Variants in SNTB1 observed in about 807,000 individuals in gnomAD.
SNTB1 encodes syntrophin beta 1.
SNTB1 carries 36 observed loss-of-function variants against 48.9 expected under a neutral mutation model. That is an observed-to-expected ratio of 0.74 (90% CI 0.56 to 0.97). SNTB1 has a LOEUF of 0.97. SNTB1 is among the 50% of genes least tolerant of loss of function. The pLI is 0.00. For missense variants in SNTB1, 786 were observed against 703.4 expected (o/e 1.12, Z -1.33); for synonymous variants, 299 against 294.6 (o/e 1.01, Z -0.15).
intron 2 of SNTB1, among the ~76,000 whole-genome samples, chr8:120,634,537 A>T (rs1817041287): frequency 6.6e-6 from 1 of 152,184 alleles, no homozygotes; most frequent in Non-Finnish European, 1.5e-5. Context: ...TAAATACTAT[A>T]CCACGATGCC....
chr8:120,701,727 T>G (rs1348540071), intron 1 of SNTB1, among the ~76,000 whole-genome samples: 1 of 152,224 alleles, frequency 6.6e-6, no homozygotes, highest in Non-Finnish European at 1.5e-5. Context: ...TTACTTCCAT[T>G]CTGCCAGCTG....
At chr8:120,731,143 T>G (rs1244514019) in intron 1 of SNTB1, among the ~76,000 whole-genome samples, 1 of 151,840 alleles carries the variant, frequency 6.6e-6, no homozygotes, top group East Asian at 1.9e-4. Flanking sequence ...TAATAAAAAA[T>G]TAAACAAATA....
intron 3 of SNTB1, among the ~76,000 whole-genome samples, chr8:120,625,728 C>T (rs529628742): frequency 2.6e-5 from 4 of 152,336 alleles, no homozygotes; most frequent in South Asian, 4.1e-4. Flanking sequence ...TAAAGCAACA[C>T]AATAGGACTA....
At chr8:120,580,209 A>G (rs1360251521) in intron 3 of SNTB1, among the ~76,000 whole-genome samples, 1 of 152,300 alleles carries the variant, frequency 6.6e-6, no homozygotes, top group Non-Finnish European at 1.5e-5. Context: ...CTCGCTTCAT[A>G]CCAACTCACT....
chr8:120,738,777 G>A (rs1563585720), intron 1 of SNTB1, among the ~76,000 whole-genome samples: 2 of 152,146 alleles, frequency 1.3e-5, no homozygotes, highest in Non-Finnish European at 2.9e-5. Flanking sequence ...GCCTCAGATT[G>A]CATGTATCAC....
intron 3 of SNTB1, among the ~76,000 whole-genome samples, chr8:120,611,619 G>A (rs959652869): frequency 3.9e-5 from 6 of 152,002 alleles, no homozygotes; most frequent in Admixed American, 3.3e-4. Flanking sequence ...TCAGGAGATC[G>A]AGACCATCCT....
At chr8:120,576,009 T>A (rs547872536) in intron 3 of SNTB1, among the ~76,000 whole-genome samples, 2 of 152,332 alleles carry the variant, frequency 1.3e-5, no homozygotes, top group South Asian at 4.1e-4. Flanking sequence ...CTCCTTCCCA[T>A]TTGATGGGCC....
At chr8:120,631,839 T>C (rs151269710) in intron 3 of SNTB1, among the ~76,000 whole-genome samples, 79 of 152,306 alleles carry the variant, frequency 5.2e-4, no homozygotes, top group Non-Finnish European at 9.4e-4. Flanking sequence ...GTCTTTATTA[T>C]CTTTTCACTC....
rs577372942 is a variant in SNTB1, at chr8:120,583,749, T to C, written c.997-8524A>G. On this transcript the variant is annotated intron_variant, in intron 3 of 6. Transcript: ENST00000517992. Reference sequence around the variant, plus strand: ...GATACTTCCAACCCATTCTATAGACTAGACTTACGCTGATCCAAAATAAGA... The same window carrying C: ...GATACTTCCAACCCATTCTATAGACCAGACTTACGCTGATCCAAAATAAGA... Among the ~76,000 whole-genome samples, 5 of 152,246 alleles carry C rather than the reference T, an allele frequency of 3.3e-5. No homozygotes were observed. In the East Asian group the frequency reaches 9.7e-4, roughly 29 times the overall value.
intron 3 of SNTB1, among the ~76,000 whole-genome samples, chr8:120,620,338 C>CT (rs1043923390): frequency 1.3e-5 from 2 of 151,952 alleles, no homozygotes; most frequent in Admixed American, 6.6e-5. Context: ...GTATTAATAT[C>CT]TTTTTTTTAT....
At chr8:120,752,742 G>A (rs761863243) in intron 1 of SNTB1, among the ~76,000 whole-genome samples, 1 of 151,944 alleles carries the variant, frequency 6.6e-6, no homozygotes, top group Non-Finnish European at 1.5e-5. Flanking sequence ...AATACCACAA[G>A]TTCTCACTTA....
intron 1 of SNTB1, among the ~76,000 whole-genome samples, chr8:120,809,253 T>G (rs999469597): frequency 1.3e-5 from 2 of 152,198 alleles, no homozygotes; most frequent in Non-Finnish European, 2.9e-5. Context: ...AGCAGCTGAT[T>G]TTGAAAAACT....
chr8:120,673,959 C>A (rs1817795012), intron 2 of SNTB1, among the ~76,000 whole-genome samples: 1 of 152,218 alleles, frequency 6.6e-6, no homozygotes, highest in South Asian at 2.1e-4. Flanking sequence ...TTCTGGTTAT[C>A]GTGAAAAAAA....
intron 1 of SNTB1, among the ~76,000 whole-genome samples, chr8:120,784,209 GT>G (rs984897402): frequency 5.3e-4 from 81 of 152,162 alleles, no homozygotes; most frequent in African/African-American, 1.8e-3. Flanking sequence ...GGCCAGGCTG[GT>G]TTTGAACTCC....
At chr8:120,659,737 T>TA (rs772132611) in intron 2 of SNTB1, among the ~76,000 whole-genome samples, 1 of 152,226 alleles carries the variant, frequency 6.6e-6, no homozygotes, top group Non-Finnish European at 1.5e-5. Context: ...AGTTCTCCTG[T>TA]GCTAGAAATA....
At chr8:120,562,575 C>T (rs1195597106) in intron 4 of SNTB1, among the ~76,000 whole-genome samples, 1 of 152,174 alleles carries the variant, frequency 6.6e-6, no homozygotes, top group African/African-American at 2.4e-5. Flanking sequence ...ATGTAAATTT[C>T]TTCATGTCAC....
At chr8:120,540,792 C>T (rs1482852417) in intron 6 of SNTB1, among the ~76,000 whole-genome samples, 1 of 152,128 alleles carries the variant, frequency 6.6e-6, no homozygotes, top group Non-Finnish European at 1.5e-5. Context: ...TGGCCTCCAT[C>T]GTGGCTGCCT....
At chr8:120,666,014 T>C (rs1041685756) in intron 2 of SNTB1, among the ~76,000 whole-genome samples, 13 of 152,162 alleles carry the variant, frequency 8.5e-5, no homozygotes, top group African/African-American at 3.1e-4. Context: ...TCTAGTATTG[T>C]CTTTTTTTAA....
At chr8:120,770,485 A>T (rs1176703995) in intron 1 of SNTB1, among the ~76,000 whole-genome samples, 1 of 151,876 alleles carries the variant, frequency 6.6e-6, no homozygotes, top group Non-Finnish European at 1.5e-5. Flanking sequence ...AAAGGAGAAT[A>T]TAAATATGGT....
Sources: allele counts gnomAD v4.1 joint callset (sites outside exome capture counted in the v4.1 genomes callset), GRCh38; gene constraint gnomAD v4.1.1; transcripts MANE v1.5; gene names NCBI Gene and HGNC (gene_info 2026-07-23, HGNC 2026-07-21).